GFRAL: variants seen among roughly 807,000 people sequenced by gnomAD.
GFRAL encodes GDNF family receptor alpha like.
In GFRAL, 36 loss-of-function variants were observed where a neutral mutation model predicts 45.4. The observed-to-expected ratio is 0.79, with a 90% CI of 0.61 to 1.05. The LOEUF (loss-of-function observed/expected upper bound fraction) is 1.05, where lower values mean the gene tolerates loss of function less well. Ranked by LOEUF, GFRAL falls within the 50% of genes least tolerant of loss-of-function variation. The pLI, the probability that GFRAL is intolerant of heterozygous loss-of-function variation, is 0.00. For synonymous variants in GFRAL, 166 were observed against 154.1 expected, an observed-to-expected ratio of 1.08 and a Z score of -0.57; for missense variants, 507 against 467.5, an observed-to-expected ratio of 1.08 and a Z score of -0.78.
intron 6 of GFRAL, among the ~76,000 whole-genome samples, chr6:55,387,951 A>C (rs1768701045): frequency 6.6e-6 from 1 of 152,192 alleles, no homozygotes; most frequent in Admixed American, 6.5e-5. Flanking sequence ...ATTAGTTCTC[A>C]AACTAGATAA....
intron 6 of GFRAL, among the ~76,000 whole-genome samples, chr6:55,371,305 T>A (rs576404728): frequency 6.6e-6 from 1 of 152,352 alleles, no homozygotes; most frequent in Non-Finnish European, 1.5e-5. Context: ...TAAATTCATG[T>A]GTAGCAAAGT....
chr6:55,351,343 C>T lies in GFRAL; in HGVS notation c.461C>T (p.Ala154Val), dbSNP rs2127355271. The T allele has an allele frequency of 6.2e-7, 1 of 1,613,588 alleles. No individual in the cohort carries two copies. The highest frequency in any genetic ancestry group is 1.3e-5 in the African/African-American group (1 of 74,992). ...CNAQLASYLKACSANGNPCDL... is the reference protein window; with the variant it reads ...CNAQLASYLKVCSANGNPCDL... The stretch of plus-strand genomic sequence containing the variant: ...GCACAGTTGGCCTCTTACCTTAAAG[C>T]TTGCTCAGCAAATGGAAATCCGTGT... The change falls in exon 5 of 9, where the codon GCT (alanine) becomes GTT (valine). Residue 154 changes from alanine (A) to valine (V), a missense_variant. Transcript: ENST00000340465.
At chr6:55,370,236 T>G (rs923806334) in intron 6 of GFRAL, among the ~76,000 whole-genome samples, 1 of 152,092 alleles carries the variant, frequency 6.6e-6, no homozygotes, top group Non-Finnish European at 1.5e-5. Flanking sequence ...GAAGTTCTTT[T>G]AAGTGTCTCT....
intron 6 of GFRAL, among the ~76,000 whole-genome samples, chr6:55,366,995 T>C (rs1359407587): frequency 2.3e-5 from 1 of 44,204 alleles, no homozygotes; most frequent in Non-Finnish European, 4.0e-5. Flanking sequence ...CTGGGTATCC[T>C]TGTTGACTTT....
Position 55,333,934 on chromosome 6 carries a change from C to A in GFRAL, c.306C>A (p.Ile102=). ...ACAAACTGCTTGGAAAAAAATGTAT[C>A]AATAAATCAGGTAATATTTTGTTTT... ...TVNKLLGKKC[I]NKSDNVKEDK... The change falls in exon 3 of 9, where the codon ATC becomes ATA. Residue 102 remains isoleucine (I), a synonymous_variant. Coordinates refer to ENST00000340465, the MANE Select transcript of GFRAL (RefSeq NM_207410.2). 6.6e-7 allele frequency: 1 copy of A among 1,525,514 alleles called. No homozygotes were observed. The highest frequency in any genetic ancestry group is 8.8e-7 in the Non-Finnish European group (1 of 1,131,876). 94.5% of individuals were successfully genotyped at this position (1,525,514 alleles called of 1,614,324 possible).
chr6:55,341,687 A>G (rs1360416447), intron 3 of GFRAL, among the ~76,000 whole-genome samples: 2 of 152,234 alleles, frequency 1.3e-5, no homozygotes, highest in African/African-American at 4.8e-5. Context: ...GACTTTGACG[A>G]GTTCAGAGAA....
intron 6 of GFRAL, among the ~76,000 whole-genome samples, chr6:55,363,612 A>G (rs1261169673): frequency 9.0e-6 from 1 of 111,692 alleles, no homozygotes; most frequent in African/African-American, 3.6e-5. Context: ...CTCAGTCCCC[A>G]GAGTGTGATA....
chr6:55,392,359 A>G (rs1297611292), intron 6 of GFRAL, among the ~76,000 whole-genome samples: 1 of 152,216 alleles, frequency 6.6e-6, no homozygotes, highest in Non-Finnish European at 1.5e-5. Context: ...AGTAGGAAGT[A>G]ATTACTTACA....
At chr6:55,334,028 T>A in intron 3 of GFRAL, 84 bp downstream of exon 3, 1 of 833,802 alleles carries the variant, frequency 1.2e-6, no homozygotes, top group Non-Finnish European at 1.8e-6. Flanking sequence ...GTAATGTGAT[T>A]AATGTTTTTT....
rs34769114 is a variant in GFRAL at position 55,390,895 on chromosome 6, T to TACACACACACAC, written c.953-8257_953-8246dup. On this transcript the variant is annotated intron_variant, in intron 6 of 8. Transcript: ENST00000340465. ...AGAGCGAGACTCCATCTCACACACA[T>TACACACACACAC]ACACACACACACACACACACACACA... 1.3e-3 allele frequency among the ~76,000 whole-genome samples: 179 copies of TACACACACACAC among 135,606 alleles called. 3 individuals are homozygous for TACACACACACAC. The highest frequency in any genetic ancestry group is 4.8e-3 in the African/African-American group (160 of 33,630). 89.0% of individuals were successfully genotyped at this position (135,606 alleles called of 152,430 possible).
chr6:55,335,513 A>G (rs1469156074), intron 3 of GFRAL, among the ~76,000 whole-genome samples: 1 of 152,146 alleles, frequency 6.6e-6, no homozygotes, highest in Non-Finnish European at 1.5e-5. Flanking sequence ...CATCTAATAA[A>G]TATTTAATTC....
intron 8 of GFRAL, among the ~76,000 whole-genome samples, chr6:55,399,747 A>T (rs1241301552): frequency 2.0e-5 from 3 of 152,190 alleles, no homozygotes; most frequent in African/African-American, 7.2e-5. Context: ...TCCAAATTGA[A>T]CTTTGCTGCA....
At chr6:55,394,069 G>A (rs974940579) in intron 6 of GFRAL, among the ~76,000 whole-genome samples, 2 of 152,170 alleles carry the variant, frequency 1.3e-5, no homozygotes, top group African/African-American at 4.8e-5. Flanking sequence ...TGGGATATAC[G>A]ATTGAAAGAA....
At chr6:55,354,764 C>A (rs1343384362) in intron 5 of GFRAL, among the ~76,000 whole-genome samples, 2 of 151,908 alleles carry the variant, frequency 1.3e-5, no homozygotes, top group African/African-American at 4.8e-5. Flanking sequence ...ATCTTTTTTG[C>A]AGAAGAGCCT....
intron 5 of GFRAL, among the ~76,000 whole-genome samples, chr6:55,354,296 A>G (rs1183347509): frequency 6.6e-6 from 1 of 152,018 alleles, no homozygotes; most frequent in Non-Finnish European, 1.5e-5. Flanking sequence ...CACAGAGTTG[A>G]TGATTTTCCT....
At chr6:55,363,215 A>T (rs892836610) in intron 6 of GFRAL, among the ~76,000 whole-genome samples, 2 of 152,064 alleles carry the variant, frequency 1.3e-5, no homozygotes, top group African/African-American at 4.8e-5. Flanking sequence ...GCCAATGTTC[A>T]TAAGGTTGGT....
intron 6 of GFRAL, among the ~76,000 whole-genome samples, chr6:55,380,268 T>G (rs537432093): frequency 1.3e-5 from 2 of 152,022 alleles, no homozygotes; most frequent in African/African-American, 4.8e-5. Context: ...TATATTAAGG[T>G]TTTACTAAAG....
At chr6:55,400,301 A>G (rs1284017621) in intron 8 of GFRAL, among the ~76,000 whole-genome samples, 1 of 152,168 alleles carries the variant, frequency 6.6e-6, no homozygotes, top group African/African-American at 2.4e-5. Flanking sequence ...GTAAGTACAT[A>G]CACAAATTAT....
chr6:55,360,536 G>T (rs557142507), intron 6 of GFRAL, among the ~76,000 whole-genome samples: 2 of 151,998 alleles, frequency 1.3e-5, no homozygotes, highest in South Asian at 2.1e-4. Context: ...TGTATATTAT[G>T]TAATAGGCAT....
Sources: gnomAD v4.1 joint callset for allele counts (sites outside exome capture counted in the v4.1 genomes callset) on GRCh38, gnomAD v4.1.1 for gene constraint, MANE v1.5 for transcripts, NCBI Gene and HGNC (gene_info 2026-07-23, HGNC 2026-07-21) for gene names.